MBD5: variants seen among roughly 807,000 people sequenced by gnomAD.
MBD5 encodes the protein methyl-CpG-binding domain protein 5.
Under a neutral mutation model 117.3 loss-of-function variants are expected in MBD5, and 13 were observed. The ratio of observed to expected loss-of-function variants is 0.11; its 90% CI spans 0.07 to 0.18. The LOEUF is 0.18. MBD5 is among the 10% of genes least tolerant of loss of function. MBD5 has a pLI of 1.00. For synonymous variants in MBD5, 727 were observed against 766.4 expected, an observed-to-expected ratio of 0.95 and a Z score of 0.85; for missense variants, 1,879 against 2,093.8, an observed-to-expected ratio of 0.90 and a Z score of 2.00.
intron 3 of MBD5, among the ~76,000 whole-genome samples, chr2:148,326,105 T>C (rs991223825): frequency 1.6e-4 from 24 of 152,332 alleles, no homozygotes; most frequent in African/African-American, 5.5e-4. Context: ...CCAGTAGTCA[T>C]TCAGGAGCAG....
chr2:148,313,411 C>T (rs978900742), intron 3 of MBD5, among the ~76,000 whole-genome samples: 1 of 151,338 alleles, frequency 6.6e-6, no homozygotes, highest in Non-Finnish European at 1.5e-5. Flanking sequence ...CTGTGGTGGG[C>T]TTCGCCCAGT....
At chr2:148,476,242 A>G (rs994756118) in intron 8 of MBD5, among the ~76,000 whole-genome samples, 2 of 152,208 alleles carry the variant, frequency 1.3e-5, no homozygotes, top group African/African-American at 4.8e-5. Flanking sequence ...TCCATAGACC[A>G]TCTCCTACAG....
intron 1 of MBD5, among the ~76,000 whole-genome samples, chr2:148,060,131 G>GTAAAAA (rs1694986394): frequency 1.5e-4 from 1 of 6,654 alleles, no homozygotes; most frequent in African/African-American, 6.0e-4. Context: ...TACAAAAAGT[G>GTAAAAA]CAAAAAAAAA....
intron 10 of MBD5, among the ~76,000 whole-genome samples, chr2:148,487,528 G>A (rs1414918470): frequency 6.6e-6 from 1 of 152,034 alleles, no homozygotes; most frequent in Admixed American, 6.5e-5. Flanking sequence ...AAAGGAAGAG[G>A]AAGTGCTCAA....
At position 148,345,426 on chromosome 2, in the gene MBD5, CACATAT is replaced by C. The variant is rs1559033025; in HGVS notation, c.-557+3097_-557+3102del. 2.9e-3 allele frequency among the ~76,000 whole-genome samples: 392 copies of C among 135,006 alleles called. 10 individuals are homozygous for C. The highest frequency in any genetic ancestry group is 0.011 in the African/African-American group (383 of 35,070). 88.6% of individuals were successfully genotyped at this position (135,006 alleles called of 152,430 possible). A position where few individuals can be genotyped will look rare whatever the true frequency, so the allele number is the denominator to read the frequency against. On this transcript the variant is annotated intron_variant, in intron 4 of 13. Transcript: ENST00000642680. ...ATACACATATACATATACATATATA[CACATAT>C]ACATATGTATATACACATACACATA...
chr2:148,310,777 G>A (rs1702010736), intron 3 of MBD5, among the ~76,000 whole-genome samples: 3 of 152,032 alleles, frequency 2.0e-5, no homozygotes, highest in Non-Finnish European at 2.9e-5. Context: ...TCTTCTATGG[G>A]CATTTGGTCC....
At chr2:148,499,216 T>TA (rs1185442268) in intron 11 of MBD5, among the ~76,000 whole-genome samples, 1 of 152,118 alleles carries the variant, frequency 6.6e-6, no homozygotes, top group African/African-American at 2.4e-5. Context: ...GTGGGAAGAT[T>TA]ACTTGAAGCC....
chr2:148,163,214 C>T (rs879768970), intron 1 of MBD5, among the ~76,000 whole-genome samples: 1 of 152,158 alleles, frequency 6.6e-6, no homozygotes, highest in Non-Finnish European at 1.5e-5. Flanking sequence ...ATTCAAATAA[C>T]TCCAAAGACA....
At chr2:148,151,375 T>C (rs1434023990) in intron 1 of MBD5, among the ~76,000 whole-genome samples, 1 of 152,082 alleles carries the variant, frequency 6.6e-6, no homozygotes, top group Non-Finnish European at 1.5e-5. Context: ...TGCATCAATG[T>C]TCATCAAGGA....
chr2:148,259,517 C>A (rs1258227014), intron 3 of MBD5, among the ~76,000 whole-genome samples: 1 of 152,136 alleles, frequency 6.6e-6, no homozygotes, highest in African/African-American at 2.4e-5. Flanking sequence ...GGTTCACTTA[C>A]CTCAGGATCC....
At chr2:148,106,213 C>T (rs1696369954) in intron 1 of MBD5, among the ~76,000 whole-genome samples, 1 of 151,850 alleles carries the variant, frequency 6.6e-6, no homozygotes, top group Non-Finnish European at 1.5e-5. Flanking sequence ...AATTACTGAC[C>T]TACATTAAAT....
intron 1 of MBD5, among the ~76,000 whole-genome samples, chr2:148,112,203 A>G (rs1265456320): frequency 3.3e-5 from 5 of 151,226 alleles, no homozygotes; most frequent in African/African-American, 1.2e-4. Flanking sequence ...TTTTTCAAAG[A>G]ATTTATAGTT....
chr2:148,246,727 G>C (rs1478604558), intron 3 of MBD5, among the ~76,000 whole-genome samples: 1 of 121,484 alleles, frequency 8.2e-6, no homozygotes, highest in Non-Finnish European at 1.6e-5. Context: ...TTGCGCCACT[G>C]CACTCCAGCC....
At chr2:148,068,785 C>T (rs1695275119) in intron 1 of MBD5, among the ~76,000 whole-genome samples, 1 of 152,120 alleles carries the variant, frequency 6.6e-6, no homozygotes, top group Non-Finnish European at 1.5e-5. Context: ...TTATTTCACT[C>T]TTCACTATAT....
At chr2:148,166,451 A>G (rs1388429801) in intron 1 of MBD5, among the ~76,000 whole-genome samples, 3 of 152,192 alleles carry the variant, frequency 2.0e-5, no homozygotes, top group Non-Finnish European at 4.4e-5. Context: ...AATTCCTTAC[A>G]TAAAATGGTT....
In MBD5 at chr2:148,397,529, C is replaced by A. The variant is rs187022492; in HGVS notation, c.-557+55193C>A. On this transcript the variant is annotated intron_variant, in intron 4 of 13. Transcript: ENST00000642680. The stretch of plus-strand genomic sequence containing the variant: ...ATTTTTTACTAGAGACAGGGTTTCA[C>A]CATGTTAGCCAGTATGGTCTCGATC... Among the ~76,000 whole-genome samples the A allele has an allele frequency of 1.8e-4, 27 of 152,174 alleles. No individual in the cohort carries two copies. In the South Asian group the frequency reaches 4.2e-3, roughly 23 times the overall value.
chr2:148,288,348 T>C (rs67993155), intron 3 of MBD5, among the ~76,000 whole-genome samples: 20,583 of 69,584 alleles, frequency 0.3, 3,041 homozygotes, highest in East Asian at 0.61. Context: ...TGCAGTGAGC[T>C]GAGATCCCGC....
chr2:148,313,463 C>T (rs1051888577), intron 3 of MBD5, among the ~76,000 whole-genome samples: 2 of 150,572 alleles, frequency 1.3e-5, no homozygotes, highest in South Asian at 4.5e-4. Flanking sequence ...GAGGGTAAAA[C>T]CACCTACTCA....
At chr2:148,511,068 G>C (rs1311940691) in intron 13 of MBD5, among the ~76,000 whole-genome samples, 1 of 152,112 alleles carries the variant, frequency 6.6e-6, no homozygotes, top group East Asian at 1.9e-4. Flanking sequence ...ACTTGAGTCT[G>C]GTGCTGGTTG....
Sources: gnomAD v4.1 joint callset for allele counts (sites outside exome capture counted in the v4.1 genomes callset) on GRCh38, gnomAD v4.1.1 for gene constraint, MANE v1.5 for transcripts, NCBI Gene and HGNC (gene_info 2026-07-23, HGNC 2026-07-21) for gene names.